The following NEK7 variants were observed in gnomAD, a reference collection of about 807,000 sequenced individuals.
NEK7 encodes NIMA related kinase 7, also known as serine/threonine-protein kinase Nek7.
A neutral mutation model predicts 44.6 loss-of-function variants in NEK7; 18 were observed. The observed-to-expected ratio is 0.40, with a 90% CI of 0.28 to 0.60. The LOEUF (loss-of-function observed/expected upper bound fraction) is 0.60, where lower values mean the gene tolerates loss of function less well. Ranked by LOEUF, NEK7 falls within the 20% of genes least tolerant of loss-of-function variation. The pLI is 0.38. For synonymous variants in NEK7, 130 were observed against 121.1 expected, an observed-to-expected ratio of 1.07 and a Z score of -0.48; for missense variants, 256 against 366.5, an observed-to-expected ratio of 0.70 and a Z score of 2.46.
In NEK7 at chr1:198,232,635, C is replaced by A; in HGVS notation, c.55C>A (p.Gln19Lys). 6.3e-7 allele frequency: 1 copy of A among 1,577,866 alleles called. No individual in the cohort carries two copies. Among genetic ancestry groups the A allele is most frequent in the Non-Finnish European group, 8.7e-7 (1 of 1,147,488 alleles). Residue 19 changes from glutamine (Q) to lysine (K), a missense_variant and splice_region_variant, in exon 2 of 10, where the codon CAG (glutamine) becomes AAG (lysine). Gln to Lys is a moderately conservative substitution (Grantham distance 53). Coordinates refer to ENST00000367385, the MANE Select transcript of NEK7 (RefSeq NM_133494.3). ...GCCACCTGTTCCTCAGTTCCAACCA[C>A]AGGTAATTTATCCTAATTAAGATGG... ...QGPPVPQFQP[Q>K]KALRPDMGYN...
chr1:198,167,294 G>A (rs1664296621), intron 1 of NEK7, among the ~76,000 whole-genome samples: 1 of 152,066 alleles, frequency 6.6e-6, no homozygotes. Context: ...AATTCAACAA[G>A]CAAAATCTAT....
At chr1:198,259,334 G>T (rs1202483925) in intron 3 of NEK7, among the ~76,000 whole-genome samples, 1 of 151,954 alleles carries the variant, frequency 6.6e-6, no homozygotes, top group African/African-American at 2.4e-5. Flanking sequence ...TAGAGACATT[G>T]ATTACTGAGA....
intron 3 of NEK7, among the ~76,000 whole-genome samples, chr1:198,255,428 C>T (rs1424536235): frequency 2.0e-5 from 3 of 152,000 alleles, no homozygotes; most frequent in Non-Finnish European, 2.9e-5. Context: ...GAAAACAGGG[C>T]TCAATTCTGT....
intron 1 of NEK7, among the ~76,000 whole-genome samples, chr1:198,204,494 C>T (rs1032760931): frequency 3.3e-5 from 5 of 151,884 alleles, no homozygotes; most frequent in African/African-American, 9.7e-5. Flanking sequence ...CCGAGGCAGG[C>T]GGATCACGAG....
chr1:198,314,918 C>A (rs1255861334), intron 9 of NEK7, among the ~76,000 whole-genome samples: 1 of 152,228 alleles, frequency 6.6e-6, no homozygotes, highest in South Asian at 2.1e-4. Flanking sequence ...GAGGTGGAGC[C>A]TACAGAGGCA....
intron 3 of NEK7, among the ~76,000 whole-genome samples, chr1:198,258,162 G>T (rs1019026680): frequency 3.9e-5 from 6 of 152,120 alleles, no homozygotes; most frequent in Non-Finnish European, 7.4e-5. Flanking sequence ...CTGTAGAGCC[G>T]GGCACGGTGA....
chr1:198,244,076 A>G (rs1308700279), intron 2 of NEK7, among the ~76,000 whole-genome samples: 1 of 152,190 alleles, frequency 6.6e-6, no homozygotes, highest in Non-Finnish European at 1.5e-5. Flanking sequence ...AAGATATTTT[A>G]AAGTTTTGTT....
chr1:198,298,433 T>C (rs1423335558), intron 9 of NEK7, among the ~76,000 whole-genome samples: 1 of 152,230 alleles, frequency 6.6e-6, no homozygotes, highest in African/African-American at 2.4e-5. Flanking sequence ...GATGCCTGTT[T>C]TTTTCTGCAT....
At chr1:198,271,765 C>A (rs944472044) in intron 5 of NEK7, among the ~76,000 whole-genome samples, 1 of 151,632 alleles carries the variant, frequency 6.6e-6, no homozygotes, top group Non-Finnish European at 1.5e-5. Context: ...CCCACTAAGT[C>A]TTTTGTATGA....
At chr1:198,177,752 G>A (rs564822513) in intron 1 of NEK7, among the ~76,000 whole-genome samples, 20 of 151,978 alleles carry the variant, frequency 1.3e-4, no homozygotes, top group South Asian at 6.2e-4. Context: ...AGCTAACCTC[G>A]GGTTGTGTGC....
chr1:198,263,212 C>CT (rs1157005149), intron 4 of NEK7, among the ~76,000 whole-genome samples: 1 of 151,810 alleles, frequency 6.6e-6, no homozygotes, highest in Non-Finnish European at 1.5e-5. Flanking sequence ...GTATTTTTAA[C>CT]TTTTAGTTAA....
At chr1:198,276,530 A>G (rs1654023424) in intron 5 of NEK7, among the ~76,000 whole-genome samples, 1 of 151,692 alleles carries the variant, frequency 6.6e-6, no homozygotes, top group South Asian at 2.1e-4. Flanking sequence ...TGATGTTGAC[A>G]CAGTCTGCAA....
chr1:198,283,884 G>GA (rs1302809245), intron 7 of NEK7, among the ~76,000 whole-genome samples: 4 of 152,056 alleles, frequency 2.6e-5, no homozygotes, highest in Non-Finnish European at 5.9e-5. Flanking sequence ...TGGGTTGTAT[G>GA]ACCCACAATT....
Position 198,320,647 on chromosome 1 carries a change from A to G in NEK7, c.*1125A>G, listed in dbSNP as rs1655506893. On this transcript the variant is annotated 3_prime_UTR_variant, in exon 10 of 10. Coordinates refer to ENST00000367385, the MANE Select transcript of NEK7 (RefSeq NM_133494.3). ...CTTTTTAAAATTTGGGCCACTCTGTATGCATATGTTTGGTCTTGTTAAAGA... is the reference window on the plus strand; with the variant it reads ...CTTTTTAAAATTTGGGCCACTCTGTGTGCATATGTTTGGTCTTGTTAAAGA... 1 of 152,124 alleles carries G rather than the reference A, an allele frequency of 6.6e-6. No individual in the cohort carries two copies. Among genetic ancestry groups the G allele is most frequent in the African/African-American group, 2.4e-5 (1 of 41,432 alleles). 9.4% of individuals were successfully genotyped at this position (152,124 alleles called of 1,614,324 possible). A position where few individuals can be genotyped will look rare whatever the true frequency, so the allele number is the denominator to read the frequency against.
intron 1 of NEK7, among the ~76,000 whole-genome samples, chr1:198,201,362 G>GT (rs992262182): frequency 1.3e-4 from 20 of 151,688 alleles, no homozygotes; most frequent in Middle Eastern, 3.4e-3. Flanking sequence ...GTATATAGTG[G>GT]TTTTTTTTAA....
chr1:198,226,481 G>T (rs1331934806), intron 1 of NEK7, among the ~76,000 whole-genome samples: 2 of 151,082 alleles, frequency 1.3e-5, no homozygotes, highest in Admixed American at 6.6e-5. Context: ...GGAGGCAGAG[G>T]TTGCAGTGAG....
At chr1:198,164,373 T>C (rs1239073727) in intron 1 of NEK7, among the ~76,000 whole-genome samples, 1 of 152,202 alleles carries the variant, frequency 6.6e-6, no homozygotes, top group East Asian at 1.9e-4. Context: ...AATCCTGCTA[T>C]TTGGGGGACC....
At position 198,317,882 on chromosome 1, in the gene NEK7, T is replaced by TGTTTTG. The variant is rs57928757; in HGVS notation, c.799-1530_799-1529insGTTTTG. The stretch of plus-strand genomic sequence containing the variant: ...GTGTATTACTGGATATATTTATTTT[T>TGTTTTG]TTTTTTTTTTTTTTTTTTGGTAACC... On this transcript the variant is annotated intron_variant, in intron 9 of 9. Transcript: ENST00000367385. 1.9e-4 allele frequency among the ~76,000 whole-genome samples: 25 copies of TGTTTTG among 133,920 alleles called. 1 individual carries two copies. The East Asian group carries it at 2.5e-3, about 14-fold the overall frequency. The allele number at this position is 133,920 out of a possible 152,430, so 87.9% of individuals were successfully genotyped here.
At chr1:198,283,835 CT>C (rs1336500032) in intron 7 of NEK7, among the ~76,000 whole-genome samples, 4 of 152,074 alleles carry the variant, frequency 2.6e-5, no homozygotes, top group African/African-American at 4.8e-5. Flanking sequence ...AGAAATCACA[CT>C]GGTTACAGCC....
Sources: gnomAD v4.1 joint callset for allele counts (sites outside exome capture counted in the v4.1 genomes callset) on GRCh38, gnomAD v4.1.1 for gene constraint, MANE v1.5 for transcripts, NCBI Gene and HGNC (gene_info 2026-07-23, HGNC 2026-07-21) for gene names.